The following TRPM3 variants were observed in gnomAD, a reference collection of about 807,000 sequenced individuals.
The protein encoded by TRPM3 is transient receptor potential cation channel subfamily M member 3.
A neutral mutation model predicts 181.2 loss-of-function variants in TRPM3; 77 were observed. The ratio of observed to expected loss-of-function variants is 0.42; its 90% confidence interval spans 0.35 to 0.51. The LOEUF is 0.51. Among genes scored for constraint, TRPM3 ranks in the 20% least tolerant of loss-of-function variants. The pLI is 0.01. For missense variants in TRPM3, 1,759 were observed against 2,196.7 expected, an observed-to-expected ratio of 0.80 and a Z score of 3.98; for synonymous variants, 745 against 796.4, an observed-to-expected ratio of 0.94 and a Z score of 1.09.
chr9:70,802,050 ATG>A (rs2089263330), intron 6 of TRPM3, among the ~76,000 whole-genome samples: 2 of 152,220 alleles, frequency 1.3e-5, no homozygotes, highest in South Asian at 4.1e-4. Context: ...AGACCTGAGA[ATG>A]TACATTTCAA....
At chr9:70,882,165 C>T (rs557459466) in intron 1 of TRPM3, among the ~76,000 whole-genome samples, 20 of 152,222 alleles carry the variant, frequency 1.3e-4, no homozygotes, top group African/African-American at 4.6e-4. Flanking sequence ...GAGTGCTCAG[C>T]CCAAGTTAGT....
chr9:71,095,047 A>G (rs1254870798), intron 1 of TRPM3, among the ~76,000 whole-genome samples: 2 of 152,178 alleles, frequency 1.3e-5, no homozygotes, highest in Non-Finnish European at 2.9e-5. Flanking sequence ...AAGAGCAGCC[A>G]TATCATCCCC....
chr9:70,701,304 A>G (rs202216660), intron 8 of TRPM3, among the ~76,000 whole-genome samples: 3 of 152,168 alleles, frequency 2.0e-5, no homozygotes, highest in Non-Finnish European at 2.9e-5. Context: ...GCCTCTCTCA[A>G]TGGCCCCGGA....
intron 1 of TRPM3, among the ~76,000 whole-genome samples, chr9:71,402,965 G>A (rs2131392285): frequency 6.6e-6 from 1 of 152,206 alleles, no homozygotes; most frequent in African/African-American, 2.4e-5. Context: ...ATAAAGAGAT[G>A]ACAAAGACAA....
Position 70,784,898 on chromosome 9 carries a change from G to T in TRPM3, c.974-619C>A, listed in dbSNP as rs549874622. 1.2e-4 allele frequency among the ~76,000 whole-genome samples: 19 copies of T among 152,238 alleles called. No individual in the cohort carries two copies. In the South Asian group the frequency reaches 3.9e-3, roughly 32 times the overall value. On this transcript the variant is annotated intron_variant, in intron 6 of 25. Transcript: ENST00000677713. ...TGTTTTTGAGATGGAGTCTCACTCT[G>T]TTACCCAGGCTGGAGTGCAGTGGCA... is the stretch of plus-strand genomic sequence containing the variant.
intron 8 of TRPM3, among the ~76,000 whole-genome samples, chr9:70,749,226 G>A (rs1275998315): frequency 6.6e-6 from 1 of 152,084 alleles, no homozygotes; most frequent in African/African-American, 2.4e-5. Context: ...CTGAATTGAT[G>A]TACTGAATAA....
chr9:71,341,043 T>C (rs541513091), intron 1 of TRPM3, among the ~76,000 whole-genome samples: 68 of 152,192 alleles, frequency 4.5e-4, no homozygotes, highest in African/African-American at 1.5e-3. Flanking sequence ...ATAAAAGATA[T>C]ATTATTGTAA....
At chr9:71,078,651 A>T (rs889271393) in intron 1 of TRPM3, among the ~76,000 whole-genome samples, 27 of 152,318 alleles carry the variant, frequency 1.8e-4, no homozygotes, top group South Asian at 6.2e-4. Flanking sequence ...TTGTTAAATA[A>T]GCATTTTCAA....
chr9:70,624,636 T>C (rs2064201946), intron 14 of TRPM3, among the ~76,000 whole-genome samples: 1 of 152,238 alleles, frequency 6.6e-6, no homozygotes, highest in South Asian at 2.1e-4. Flanking sequence ...GTTTGTCATA[T>C]ATTTTTGTGG....
chr9:70,873,037 ATT>A (rs762129675), intron 1 of TRPM3, among the ~76,000 whole-genome samples: 1 of 151,862 alleles, frequency 6.6e-6, no homozygotes, highest in Admixed American at 6.6e-5. Context: ...TTGAAGATAT[ATT>A]TTTTTCCTTT....
At chr9:71,183,286 G>A (rs935711777) in intron 1 of TRPM3, among the ~76,000 whole-genome samples, 25 of 152,184 alleles carry the variant, frequency 1.6e-4, no homozygotes, top group African/African-American at 3.9e-4. Flanking sequence ...CTACCTGTTC[G>A]TCTCCTGCCA....
chr9:70,579,789 C>A (rs144854135), intron 22 of TRPM3, among the ~76,000 whole-genome samples: 1 of 152,196 alleles, frequency 6.6e-6, no homozygotes, highest in African/African-American at 2.4e-5. Context: ...CTGCCAGGAC[C>A]CTTGACAAAA....
At chr9:70,596,843 A>C (rs1182435146) in intron 21 of TRPM3, among the ~76,000 whole-genome samples, 1 of 152,158 alleles carries the variant, frequency 6.6e-6, no homozygotes, top group Non-Finnish European at 1.5e-5. Context: ...ACCTCACCGC[A>C]GTCTTGAACT....
rs145742672 is a variant in TRPM3 at position 71,056,236 on chromosome 9, TTGTC to T, written c.177+64938_177+64941del. 4.9e-3 allele frequency among the ~76,000 whole-genome samples: 746 copies of T among 152,170 alleles called. 17 individuals carry two copies. The East Asian group carries it at 0.077, about 16-fold the overall frequency. On this transcript the variant is annotated intron_variant, in intron 1 of 25. Coordinates refer to ENST00000677713, the MANE Select transcript of TRPM3 (RefSeq NM_001366145.2). ...TATTCTAGTGTTTACAAAGCACTCA[TTGTC>T]TGTGAATGGAAATTAACACACCAAT...
At chr9:70,557,874 T>C (rs1418102712) in intron 22 of TRPM3, among the ~76,000 whole-genome samples, 2 of 152,184 alleles carry the variant, frequency 1.3e-5, no homozygotes, top group African/African-American at 2.4e-5. Flanking sequence ...ACAGAGTCCT[T>C]CTAGTGGATA....
chr9:71,036,487 T>C (rs2058222277), intron 1 of TRPM3, among the ~76,000 whole-genome samples: 1 of 152,248 alleles, frequency 6.6e-6, no homozygotes, highest in Non-Finnish European at 1.5e-5. Context: ...CTTCTGGTTT[T>C]GCCACAGACC....
rs567828207 is a variant in TRPM3 at position 70,590,803 on chromosome 9, C to T, written c.3223+228G>A. Among the ~76,000 whole-genome samples, 9 of 152,194 alleles carry T rather than the reference C, an allele frequency of 5.9e-5. No homozygotes were observed. In the East Asian group the frequency reaches 1.4e-3, roughly 23 times the overall value. On this transcript the variant is annotated intron_variant, in intron 22 of 25. Transcript: ENST00000677713. ...TGATCAAATTTGGTATACCAGATGT[C>T]GATTCGTGTCACAGAACATGACATA...
chr9:71,131,716 G>A (rs1201005197), intron 1 of TRPM3, among the ~76,000 whole-genome samples: 2 of 152,112 alleles, frequency 1.3e-5, no homozygotes, highest in African/African-American at 4.8e-5. Flanking sequence ...TCTAAGAATT[G>A]TTTATTCAAC....
chr9:71,096,270 C>A (rs2067180516), intron 1 of TRPM3, among the ~76,000 whole-genome samples: 1 of 146,264 alleles, frequency 6.8e-6, no homozygotes, highest in African/African-American at 2.5e-5. Context: ...TTATTTCAAT[C>A]AATTTTGATA....
Sources: allele counts gnomAD v4.1 joint callset (sites outside exome capture counted in the v4.1 genomes callset), GRCh38; gene constraint gnomAD v4.1.1; transcripts MANE v1.5; gene names NCBI Gene and HGNC (gene_info 2026-07-23, HGNC 2026-07-21).